RAVER2: variants seen among roughly 807,000 people sequenced by gnomAD.
RAVER2 encodes the protein ribonucleoprotein PTB-binding 2.
In RAVER2, 46 loss-of-function variants were observed where a neutral mutation model predicts 78.1. The observed-to-expected ratio is 0.59, with a 90% CI of 0.46 to 0.75. The LOEUF is 0.75. RAVER2 is among the 30% of genes least tolerant of loss of function. The pLI, the probability that RAVER2 is intolerant of heterozygous loss-of-function variation, is 0.00. For missense variants in RAVER2, 793 were observed against 837.5 expected, an observed-to-expected ratio of 0.95 and a Z score of 0.66; for synonymous variants, 311 against 313.3, an observed-to-expected ratio of 0.99 and a Z score of 0.08.
chr1:64,764,605 CAAT>C (rs1425030903), intron 1 of RAVER2, among the ~76,000 whole-genome samples: 1 of 152,150 alleles, frequency 6.6e-6, no homozygotes, highest in Non-Finnish European at 1.5e-5. Context: ...CAAATAAACA[CAAT>C]GACTCATCAC....
Position 64,777,676 on chromosome 1 carries a change from C to T in RAVER2, c.370C>T (p.His124Tyr), listed in dbSNP as rs1652504219. The T allele has an allele frequency of 6.2e-7, 1 of 1,613,946 alleles. No individual in the cohort carries two copies. The highest frequency in any genetic ancestry group is 8.5e-7 in the Non-Finnish European group (1 of 1,179,890). Residue 124 changes from histidine to tyrosine, a missense_variant, in exon 3 of 12, where the codon CAT (histidine) becomes TAT (tyrosine). Coordinates refer to ENST00000294428, the Ensembl canonical transcript of RAVER2. ...AGCCCAGAACGCAATTCAGATGTTTCATCAATATTCTTTTAGAGGAAAAGA... is the reference window on the plus strand; with the variant it reads ...AGCCCAGAACGCAATTCAGATGTTTTATCAATATTCTTTTAGAGGAAAAGA...
intron 4 of RAVER2, among the ~76,000 whole-genome samples, chr1:64,782,554 T>C (rs1249165663): frequency 1.3e-5 from 2 of 152,200 alleles, no homozygotes; most frequent in African/African-American, 4.8e-5. Flanking sequence ...ATGAGATACT[T>C]GTACTAAAAT....
intron 11 of RAVER2, among the ~76,000 whole-genome samples, chr1:64,827,712 A>T (rs1248427482): frequency 6.6e-6 from 1 of 152,256 alleles, no homozygotes; most frequent in Non-Finnish European, 1.5e-5. Context: ...GTTTCATGCT[A>T]CATTTTAAAT....
At chr1:64,793,064 A>C (rs1053530217) in intron 5 of RAVER2, among the ~76,000 whole-genome samples, 4 of 152,110 alleles carry the variant, frequency 2.6e-5, no homozygotes, top group Non-Finnish European at 1.5e-5. Context: ...TTAGCTGGGC[A>C]TGGTGGCATG....
At chr1:64,769,779 G>A (rs1417208031) in intron 2 of RAVER2, among the ~76,000 whole-genome samples, 1 of 152,062 alleles carries the variant, frequency 6.6e-6, no homozygotes, top group Non-Finnish European at 1.5e-5. Context: ...GCATGAATCA[G>A]AAGAAAGCCT....
chr1:64,759,199 TTTTTATTTTTATTTA>T lies in RAVER2; in HGVS notation c.250-9442_250-9428del, dbSNP rs1485101260. Among the ~76,000 whole-genome samples the T allele has an allele frequency of 4.7e-4, 72 of 151,598 alleles. 1 individual carries two copies. The highest frequency in any genetic ancestry group is 3.4e-3 in the Middle Eastern group (1 of 294). ...ATATTTTCAGGTTTTTTATTTTTTATTTTTATTTTTATTTATTTTATTTTTATTTTTATTTTTGGA... is the reference window on the plus strand; with the variant it reads ...ATATTTTCAGGTTTTTTATTTTTTATTTTTATTTTTATTTTTATTTTTGGA... On this transcript the variant is annotated intron_variant, in intron 1 of 11. Transcript: ENST00000294428.
chr1:64,777,069 A>T (rs749240395), intron 2 of RAVER2, among the ~76,000 whole-genome samples: 59 of 152,152 alleles, frequency 3.9e-4, no homozygotes, highest in Non-Finnish European at 6.2e-4. Context: ...ATCTAATCTG[A>T]TATTAAGGAA....
At position 64,808,553 on chromosome 1, in the gene RAVER2, C is replaced by T. The variant is rs575027010; in HGVS notation, c.1680+1079C>T. On this transcript the variant is annotated intron_variant, in intron 9 of 11. Coordinates refer to ENST00000294428, the Ensembl canonical transcript of RAVER2. ...CTCGGCTCACTGCAACCTCTGCCTC[C>T]TGGGTTCAAGTGGCTCCCCTGCCTC... Among the ~76,000 whole-genome samples the T allele has an allele frequency of 3.4e-3, 509 of 149,800 alleles. 2 individuals are homozygous for T. Among genetic ancestry groups the T allele is most frequent in the African/African-American group, 0.012 (476 of 40,552 alleles).
chr1:64,771,825 T>G (rs1273184062), intron 2 of RAVER2, among the ~76,000 whole-genome samples: 1 of 152,096 alleles, frequency 6.6e-6, no homozygotes, highest in Non-Finnish European at 1.5e-5. Flanking sequence ...CCTTGGATTT[T>G]GGAACCTATA....
chr1:64,801,281 T>C (rs1024437528), intron 5 of RAVER2, among the ~76,000 whole-genome samples: 1 of 151,146 alleles, frequency 6.6e-6, no homozygotes, highest in East Asian at 2.0e-4. Context: ...GTATTTTTGG[T>C]AGAGATGGGG....
At chr1:64,808,051 T>C (rs1653494199) in intron 9 of RAVER2, among the ~76,000 whole-genome samples, 1 of 152,162 alleles carries the variant, frequency 6.6e-6, no homozygotes, top group Admixed American at 6.5e-5. Flanking sequence ...ATTAAAGTAT[T>C]TTAATATTTA....
intron 5 of RAVER2, among the ~76,000 whole-genome samples, chr1:64,797,057 TAGAC>T (rs1359438992): frequency 1.3e-5 from 2 of 152,206 alleles, no homozygotes; most frequent in Non-Finnish European, 2.9e-5. Context: ...AATTCACTTA[TAGAC>T]AGAGATGATA....
At position 64,745,789 on chromosome 1, in the gene RAVER2, T is replaced by G. The variant is rs1570516498; in HGVS notation, c.249+368T>G. 3.6e-5 allele frequency among the ~76,000 whole-genome samples: 5 copies of G among 138,728 alleles called. No homozygotes were observed. The highest frequency in any genetic ancestry group is 5.4e-5 in the African/African-American group (2 of 37,024). 91.0% of individuals were successfully genotyped at this position (138,728 alleles called of 152,430 possible). ...CACATTTTGCGGGGGGGAGCGGGGG[T>G]AGAGGGGGCCGAAGCTTCGGGAGCA... On this transcript the variant is annotated intron_variant, in intron 1 of 11. Transcript: ENST00000294428. This position sits in a 1 kb window ranked among gnomAD's most constrained non-coding sequence, Gnocchi z 4.3.
intron 2 of RAVER2, among the ~76,000 whole-genome samples, chr1:64,772,331 C>A (rs1475688849): frequency 1.3e-5 from 2 of 152,152 alleles, no homozygotes; most frequent in East Asian, 3.9e-4. Context: ...CTAAGTTGAG[C>A]AAATGCAGAT....
intron 3 of RAVER2, among the ~76,000 whole-genome samples, chr1:64,779,524 A>G (rs955247621): frequency 2.7e-5 from 4 of 148,062 alleles, no homozygotes; most frequent in African/African-American, 7.6e-5. Flanking sequence ...CCACATTACT[A>G]TGCCCAACTA....
intron 3 of RAVER2, among the ~76,000 whole-genome samples, chr1:64,778,654 C>T (rs972895078): frequency 2.0e-5 from 3 of 151,530 alleles, no homozygotes; most frequent in African/African-American, 7.3e-5. Flanking sequence ...ACTGGCGAGA[C>T]TTTTCAAGCA....
intron 4 of RAVER2, among the ~76,000 whole-genome samples, chr1:64,782,848 C>T (rs1296828142): frequency 6.6e-6 from 1 of 152,132 alleles, no homozygotes; most frequent in Non-Finnish European, 1.5e-5. Flanking sequence ...CGTCATTACA[C>T]TGGGCATTTC....
At chr1:64,786,798 A>G (rs924317688) in intron 4 of RAVER2, among the ~76,000 whole-genome samples, 2 of 152,194 alleles carry the variant, frequency 1.3e-5, no homozygotes, top group Non-Finnish European at 2.9e-5. Flanking sequence ...GTCTCAAGAA[A>G]AAAAAAAAAT....
intron 3 of RAVER2, among the ~76,000 whole-genome samples, chr1:64,780,776 C>A (rs1024330096): frequency 1.3e-5 from 2 of 152,136 alleles, no homozygotes; most frequent in Non-Finnish European, 1.5e-5. Context: ...GGAAATAAAT[C>A]AAGTTCTACA....
Sources: gnomAD v4.1 joint callset for allele counts (sites outside exome capture counted in the v4.1 genomes callset) on GRCh38, gnomAD v4.1.1 for gene constraint, Gnocchi (gnomAD v3.1) non-coding constraint, MANE v1.5 for transcripts, NCBI Gene and HGNC (gene_info 2026-07-23, HGNC 2026-07-21) for gene names.